The following RALYL variants were observed in gnomAD, a reference collection of about 807,000 sequenced individuals.
The protein encoded by RALYL is RALY RNA binding protein like, also known as RNA-binding Raly-like protein.
RALYL carries 29 observed loss-of-function variants against 35.1 expected under a neutral mutation model. The ratio of observed to expected loss-of-function variants is 0.83; its 90% CI spans 0.61 to 1.13. The LOEUF is 1.13. Ranked by LOEUF, RALYL falls within the 50% of genes most tolerant of loss-of-function variation. RALYL has a pLI of 0.00. For synonymous variants in RALYL, 120 were observed against 127.6 expected, an observed-to-expected ratio of 0.94 and a Z score of 0.40; for missense variants, 359 against 360.4, an observed-to-expected ratio of 1.00 and a Z score of 0.03.
chr8:84,318,553 G>T (rs1284185771), intron 1 of RALYL, among the ~76,000 whole-genome samples: 1 of 151,996 alleles, frequency 6.6e-6, no homozygotes, highest in Non-Finnish European at 1.5e-5. Flanking sequence ...GTTTTTTGTA[G>T]CCATTGTAAT....
At chr8:84,557,658 T>A (rs2135533346) in intron 2 of RALYL, among the ~76,000 whole-genome samples, 1 of 152,302 alleles carries the variant, frequency 6.6e-6, no homozygotes, top group African/African-American at 2.4e-5. Context: ...TCACACAAAG[T>A]GTGTATTTAC....
intron 2 of RALYL, among the ~76,000 whole-genome samples, chr8:84,595,689 A>T (rs1319883155): frequency 6.6e-6 from 1 of 152,116 alleles, no homozygotes; most frequent in Non-Finnish European, 1.5e-5. Context: ...GACAAGGGTC[A>T]TAGAAAATCC....
In RALYL at chr8:84,469,651, C is replaced by G. The variant is rs1219666024; in HGVS notation, c.-23-59648C>G. ...ACAGAGGAAAGCAGGCCTCCTTGAG[C>G]TGTGGTGGGCTCCACCCAGTTCGAG... On this transcript the variant is annotated intron_variant, in intron 1 of 8. Transcript: ENST00000521268. Among the ~76,000 whole-genome samples the G allele has an allele frequency of 3.3e-5, 5 of 152,348 alleles. No individual in the cohort carries two copies. In the South Asian group the frequency reaches 6.2e-4, roughly 19 times the overall value.
chr8:84,683,422 T>G lies in RALYL; in HGVS notation c.257-91157T>G, dbSNP rs369139566. On this transcript the variant is annotated intron_variant, in intron 2 of 8. Coordinates refer to ENST00000521268, the MANE Select transcript of RALYL (RefSeq NM_173848.7). ...TGTTAACTTTCTGTCTCGTTGATCT[T>G]TCTAATGTTGACAGTGGGGTGTTAA... Among the ~76,000 whole-genome samples the G allele has an allele frequency of 5.9e-5, 9 of 152,248 alleles. No individual in the cohort carries two copies. The East Asian group carries it at 1.2e-3, about 20-fold the overall frequency.
At chr8:84,782,591 A>T (rs1276419305) in intron 3 of RALYL, among the ~76,000 whole-genome samples, 1 of 152,250 alleles carries the variant, frequency 6.6e-6, no homozygotes, top group Non-Finnish European at 1.5e-5. Flanking sequence ...ATATAAAAGC[A>T]TGGTTCTGTG....
chr8:84,913,936 AT>A (rs1450163137), intron 8 of RALYL, among the ~76,000 whole-genome samples: 10 of 151,968 alleles, frequency 6.6e-5, no homozygotes, highest in African/African-American at 2.4e-4. Context: ...AAGTCATTTT[AT>A]TATATTGTAA....
chr8:84,602,589 T>G (rs1027568863), intron 2 of RALYL, among the ~76,000 whole-genome samples: 1 of 152,112 alleles, frequency 6.6e-6, no homozygotes, highest in Non-Finnish European at 1.5e-5. Flanking sequence ...TTTCCAGAGT[T>G]TTAAAGATTT....
At chr8:84,380,097 C>T (rs16912749) in intron 1 of RALYL, among the ~76,000 whole-genome samples, 4,457 of 150,672 alleles carry the variant, frequency 0.03, 208 homozygotes, top group African/African-American at 0.1. Flanking sequence ...TACACATTTT[C>T]TTAAACTGTA....
chr8:84,264,171 G>A (rs1395372192), intron 1 of RALYL, among the ~76,000 whole-genome samples: 1 of 152,054 alleles, frequency 6.6e-6, no homozygotes, highest in African/African-American at 2.4e-5. Flanking sequence ...CTGGTGCTAG[G>A]TCCTTGAGGA....
At chr8:84,468,358 G>A (rs965530804) in intron 1 of RALYL, among the ~76,000 whole-genome samples, 11 of 151,712 alleles carry the variant, frequency 7.3e-5, no homozygotes, top group African/African-American at 1.9e-4. Context: ...AAATCTCTCA[G>A]CATTTGCTTG....
intron 2 of RALYL, 53 bp from the exon 3 acceptor site, chr8:84,774,526 C>A: frequency 8.6e-7 from 1 of 1,157,832 alleles, no homozygotes. Flanking sequence ...ATTTACTTTT[C>A]TCAGATGGTT....
At chr8:84,574,695 G>A (rs913067012) in intron 2 of RALYL, among the ~76,000 whole-genome samples, 2 of 151,890 alleles carry the variant, frequency 1.3e-5, no homozygotes, top group Non-Finnish European at 1.5e-5. Context: ...TTCAGAACAC[G>A]TTTGTTTCCT....
At chr8:84,392,070 TGCCAAGTTGTA>T (rs1860823220) in intron 1 of RALYL, among the ~76,000 whole-genome samples, 1 of 152,066 alleles carries the variant, frequency 6.6e-6, no homozygotes, top group Non-Finnish European at 1.5e-5. Context: ...CACTTAAAAG[TGCCAAGTTGTA>T]GCAAAATCTA....
At chr8:84,596,945 T>A (rs937463441) in intron 2 of RALYL, among the ~76,000 whole-genome samples, 1 of 152,026 alleles carries the variant, frequency 6.6e-6, no homozygotes, top group African/African-American at 2.4e-5. Context: ...CTCTGTTACT[T>A]AAAGAAGCAG....
At chr8:84,418,293 G>T (rs1030097459) in intron 1 of RALYL, among the ~76,000 whole-genome samples, 2 of 151,978 alleles carry the variant, frequency 1.3e-5, no homozygotes, top group Admixed American at 1.3e-4. Flanking sequence ...TCTGTAAATT[G>T]GAAGTTATTA....
At chr8:84,393,353 T>C (rs1308178203) in intron 1 of RALYL, among the ~76,000 whole-genome samples, 1 of 152,046 alleles carries the variant, frequency 6.6e-6, no homozygotes, top group Non-Finnish European at 1.5e-5. Flanking sequence ...TGCCCTCAGT[T>C]CCTTGACAGG....
At chr8:84,814,867 G>A (rs957908382) in intron 4 of RALYL, among the ~76,000 whole-genome samples, 4 of 152,194 alleles carry the variant, frequency 2.6e-5, no homozygotes, top group African/African-American at 9.6e-5. Context: ...TACACCTAGA[G>A]TGAGGCATGA....
intron 2 of RALYL, among the ~76,000 whole-genome samples, chr8:84,567,701 A>G (rs1473226616): frequency 6.8e-6 from 1 of 147,744 alleles, no homozygotes; most frequent in South Asian, 2.1e-4. Flanking sequence ...ATAATGATTT[A>G]TTTTCCCTTA....
At chr8:84,372,889 T>TTTTTTTTTTTGTTTTGTTTTG (rs1166847603) in intron 1 of RALYL, among the ~76,000 whole-genome samples, 128 of 109,586 alleles carry the variant, frequency 1.2e-3, no homozygotes, top group African/African-American at 4.8e-3. Flanking sequence ...AGCATCTGTT[T>TTTTTTTTTTTGTTTTGTTTTG]TTTTTTTTTT....
Sources: allele counts gnomAD v4.1 joint callset (sites outside exome capture counted in the v4.1 genomes callset), GRCh38; gene constraint gnomAD v4.1.1; transcripts MANE v1.5; gene names NCBI Gene and HGNC (gene_info 2026-07-23, HGNC 2026-07-21).